PCCA: variants seen among roughly 807,000 people sequenced by gnomAD.
The protein encoded by PCCA is propionyl-CoA carboxylase alpha chain, mitochondrial.
A neutral mutation model predicts 101.3 loss-of-function variants in PCCA; 74 were observed. The ratio of observed to expected loss-of-function variants is 0.73; its 90% CI spans 0.61 to 0.89. PCCA has a LOEUF of 0.89. Ranked by LOEUF, PCCA falls within the 40% of genes least tolerant of loss-of-function variation. The pLI is 0.00. For synonymous variants in PCCA, 294 were observed against 313.6 expected, an observed-to-expected ratio of 0.94 and a Z score of 0.66; for missense variants, 891 against 907.0, an observed-to-expected ratio of 0.98 and a Z score of 0.23.
At chr13:100,283,917 C>A (rs1205105886) in intron 12 of PCCA, among the ~76,000 whole-genome samples, 1 of 152,204 alleles carries the variant, frequency 6.6e-6, no homozygotes, top group African/African-American at 2.4e-5. Flanking sequence ...AGGTGCACTG[C>A]CCCAGAGGAC....
intron 22 of PCCA, among the ~76,000 whole-genome samples, chr13:100,519,616 G>C (rs1388897824): frequency 1.3e-5 from 2 of 152,208 alleles, no homozygotes; most frequent in Admixed American, 6.5e-5. Context: ...AGGGCCACAA[G>C]ACACAGGCAC....
intron 2 of PCCA, among the ~76,000 whole-genome samples, chr13:100,110,795 T>G (rs1047750704): frequency 6.6e-6 from 1 of 151,388 alleles, no homozygotes; most frequent in Admixed American, 6.6e-5. Context: ...GGCCAAAGTG[T>G]TTTTTTTGTT....
At chr13:100,256,001 C>T (rs747376604) in intron 8 of PCCA, among the ~76,000 whole-genome samples, 3 of 152,138 alleles carry the variant, frequency 2.0e-5, no homozygotes, top group African/African-American at 4.8e-5. Context: ...TTCTTCATAG[C>T]ATCATTTAAA....
intron 4 of PCCA, among the ~76,000 whole-genome samples, chr13:100,122,069 T>C (rs2049456979): frequency 6.6e-6 from 1 of 152,228 alleles, no homozygotes; most frequent in Admixed American, 6.5e-5. Context: ...AGAACAGGTG[T>C]TGCATTTTTT....
intron 7 of PCCA, 134 bp from the exon 8 acceptor site, chr13:100,235,708 G>A (rs1675064482): frequency 1.2e-5 from 8 of 647,072 alleles, no homozygotes; most frequent in South Asian, 1.2e-4. Flanking sequence ...TTCTCTGAAT[G>A]AAAAGGGTTA....
At chr13:100,281,323 G>T (rs1469898249) in intron 12 of PCCA, among the ~76,000 whole-genome samples, 1 of 152,182 alleles carries the variant, frequency 6.6e-6, no homozygotes, top group Non-Finnish European at 1.5e-5. Flanking sequence ...GCTGTCAAAA[G>T]TCAAACTTCA....
intron 19 of PCCA, among the ~76,000 whole-genome samples, chr13:100,383,311 C>G (rs1417358692): frequency 6.6e-6 from 1 of 151,588 alleles, no homozygotes; most frequent in Non-Finnish European, 1.5e-5. Context: ...AAGTTTTATC[C>G]AAGCAATATT....
At chr13:100,450,230 A>G (rs944786516) in intron 21 of PCCA, among the ~76,000 whole-genome samples, 13 of 146,074 alleles carry the variant, frequency 8.9e-5, no homozygotes, top group Non-Finnish European at 1.9e-4. Context: ...TAAAAATACA[A>G]AAATTAGCCG....
Position 100,214,751 on chromosome 13 carries a change from C to T in PCCA, c.600+5288C>T, listed in dbSNP as rs202227055. Among the ~76,000 whole-genome samples, 14 of 152,174 alleles carry T rather than the reference C, an allele frequency of 9.2e-5. No homozygotes were observed. In the East Asian group the frequency reaches 2.7e-3, roughly 29 times the overall value. ...TATAGTTTTCATTGTAGAGACCTTT[C>T]ACTTCTTTGGTTAAGTTTATTCCTA... On this transcript the variant is annotated intron_variant, in intron 7 of 23. Transcript: ENST00000376285.
chr13:100,516,634 G>T (rs975272124), intron 22 of PCCA, among the ~76,000 whole-genome samples: 1 of 152,144 alleles, frequency 6.6e-6, no homozygotes, highest in Non-Finnish European at 1.5e-5. Context: ...GCTGTGAATT[G>T]TTGTTTGCTG....
intron 19 of PCCA, among the ~76,000 whole-genome samples, chr13:100,384,734 G>A (rs2076408423): frequency 6.6e-6 from 1 of 152,082 alleles, no homozygotes; most frequent in Non-Finnish European, 1.5e-5. Flanking sequence ...CAGTAAACAA[G>A]GTGAGTTAAC....
intron 12 of PCCA, among the ~76,000 whole-genome samples, chr13:100,285,453 T>C (rs918223596): frequency 3.3e-5 from 5 of 152,114 alleles, no homozygotes; most frequent in East Asian, 1.9e-4. Flanking sequence ...AGTAAGGAAA[T>C]TGATGTAGTA....
Position 100,089,152 on chromosome 13 carries a change from T to G in PCCA, c.32T>G (p.Leu11Arg), listed in dbSNP as rs1462181349. 2 of 1,524,688 alleles carry G rather than the reference T, an allele frequency of 1.3e-6. No homozygotes were observed. Among genetic ancestry groups the G allele is most frequent in the Non-Finnish European group, 1.8e-6 (2 of 1,137,220 alleles). The allele number at this position is 1,524,688 out of a possible 1,614,324, so 94.4% of individuals were successfully genotyped here. A position where few individuals can be genotyped will look rare whatever the true frequency, so the allele number is the denominator to read the frequency against. Residue 11 changes from leucine (L) to arginine (R), a missense_variant, in exon 1 of 24, where the codon CTG (leucine) becomes CGG (arginine). Leu to Arg is a moderately radical substitution (Grantham distance 102). Coordinates refer to ENST00000376285, the MANE Select transcript of PCCA (RefSeq NM_000282.4). ...GGGTTCTGGGTCGGGACAGCACCGCTGGTCGCTGCCGGACGGCGTGGGCGG... is the reference window on the plus strand; with the variant it reads ...GGGTTCTGGGTCGGGACAGCACCGCGGGTCGCTGCCGGACGGCGTGGGCGG... MAGFWVGTAPLVAAGRRGRWP... is the reference protein window; with the variant it reads MAGFWVGTAPRVAAGRRGRWP...
At chr13:100,514,683 G>T (rs1384357614) in intron 21 of PCCA, among the ~76,000 whole-genome samples, 1 of 152,094 alleles carries the variant, frequency 6.6e-6, no homozygotes, top group Non-Finnish European at 1.5e-5. Flanking sequence ...GATTGTTTGA[G>T]AGCCACCTAC....
chr13:100,322,435 A>T (rs2068161808), intron 16 of PCCA, among the ~76,000 whole-genome samples: 1 of 152,198 alleles, frequency 6.6e-6, no homozygotes. Flanking sequence ...AGGAGAAACT[A>T]GCAGTCTGTC....
intron 22 of PCCA, among the ~76,000 whole-genome samples, chr13:100,517,543 C>T (rs1033417198): frequency 6.6e-6 from 1 of 152,104 alleles, no homozygotes; most frequent in African/African-American, 2.4e-5. Context: ...AAATATGTTA[C>T]GGCAGAGCAA....
intron 19 of PCCA, among the ~76,000 whole-genome samples, chr13:100,407,077 G>A (rs1224662437): frequency 4.6e-5 from 7 of 152,102 alleles, no homozygotes; most frequent in African/African-American, 1.4e-4. Flanking sequence ...AAAGAAGTTC[G>A]GTTATCTCCA....
Position 100,234,405 on chromosome 13 carries a change from T to C in PCCA, c.601-1437T>C, listed in dbSNP as rs139645244. On this transcript the variant is annotated intron_variant, in intron 7 of 23. Transcript: ENST00000376285. ...TTTGGAAGGCATAGGGTGGGAGATA[T>C]AGATTTATCTCTGACTTGAAAACAA... is the stretch of plus-strand genomic sequence containing the variant. Among the ~76,000 whole-genome samples, 817 of 152,114 alleles carry C rather than the reference T, an allele frequency of 5.4e-3. 14 individuals are homozygous for C. The highest frequency in any genetic ancestry group is 0.019 in the African/African-American group (781 of 41,476).
At chr13:100,241,558 T>C (rs2061139307) in intron 8 of PCCA, among the ~76,000 whole-genome samples, 1 of 152,092 alleles carries the variant, frequency 6.6e-6, no homozygotes, top group Admixed American at 6.6e-5. Context: ...GCAGCTTTAA[T>C]CTCCTGGGCT....
Sources: gnomAD v4.1 joint callset for allele counts (sites outside exome capture counted in the v4.1 genomes callset) on GRCh38, gnomAD v4.1.1 for gene constraint, MANE v1.5 for transcripts, NCBI Gene and HGNC (gene_info 2026-07-23, HGNC 2026-07-21) for gene names.